The following CCSER1 variants were observed in gnomAD, a reference collection of about 807,000 sequenced individuals.
CCSER1 encodes the protein serine-rich coiled-coil domain-containing protein 1.
A neutral mutation model predicts 82.0 loss-of-function variants in CCSER1; 41 were observed. The ratio of observed to expected loss-of-function variants is 0.50; its 90% confidence interval spans 0.39 to 0.65. CCSER1 has a LOEUF of 0.65. Among genes scored for constraint, CCSER1 ranks in the 30% least tolerant of loss-of-function variants. The pLI is 0.00. For synonymous variants in CCSER1, 414 were observed against 383.9 expected, an observed-to-expected ratio of 1.08 and a Z score of -0.92; for missense variants, 1,119 against 1,064.2, an observed-to-expected ratio of 1.05 and a Z score of -0.72.
At chr4:91,158,875 A>G (rs930785967) in intron 10 of CCSER1, among the ~76,000 whole-genome samples, 2 of 152,000 alleles carry the variant, frequency 1.3e-5, no homozygotes, top group Non-Finnish European at 1.5e-5. Flanking sequence ...GGACATAGGC[A>G]TTACCAGAAG....
chr4:90,858,388 C>A (rs1402013604), intron 8 of CCSER1, among the ~76,000 whole-genome samples: 1 of 151,976 alleles, frequency 6.6e-6, no homozygotes, highest in Non-Finnish European at 1.5e-5. Flanking sequence ...CCCAAACATA[C>A]AGACTCTAAT....
intron 7 of CCSER1, among the ~76,000 whole-genome samples, chr4:90,797,800 G>A (rs961135180): frequency 2.6e-5 from 4 of 152,116 alleles, no homozygotes; most frequent in African/African-American, 4.8e-5. Flanking sequence ...AATATAGGCC[G>A]CCAATGTCTT....
intron 9 of CCSER1, among the ~76,000 whole-genome samples, chr4:91,078,162 C>T (rs1343131000): frequency 4.6e-5 from 7 of 152,186 alleles, no homozygotes; most frequent in Non-Finnish European, 1.0e-4. Flanking sequence ...GTTCCTGACC[C>T]CTGAGTAGCC....
At chr4:90,913,064 G>A (rs555444020) in intron 8 of CCSER1, among the ~76,000 whole-genome samples, 5 of 152,214 alleles carry the variant, frequency 3.3e-5, no homozygotes, top group African/African-American at 1.2e-4. Flanking sequence ...AAAACACTCT[G>A]CAGGATATTA....
Position 90,907,545 on chromosome 4 carries a change from T to C in CCSER1, c.2095-15825T>C, listed in dbSNP as rs532909084. Among the ~76,000 whole-genome samples the C allele has an allele frequency of 8.8e-4, 134 of 152,258 alleles. 4 individuals are homozygous for C. The South Asian group carries it at 0.027, about 30-fold the overall frequency. On this transcript the variant is annotated intron_variant, in intron 8 of 10. Coordinates refer to ENST00000509176, the MANE Select transcript of CCSER1 (RefSeq NM_001145065.2). ...TTAATTGGATGAATCACCTCATTAA[T>C]CTTTCACTCACAATGTAAAATTCAG...
intron 9 of CCSER1, among the ~76,000 whole-genome samples, chr4:91,007,955 CT>C (rs1437575637): frequency 1.3e-5 from 2 of 151,922 alleles, no homozygotes; most frequent in Non-Finnish European, 2.9e-5. Context: ...TTTAATTTGT[CT>C]CTAAAATTTT....
chr4:90,903,836 C>A (rs868188504), intron 8 of CCSER1, among the ~76,000 whole-genome samples: 721 of 120,908 alleles, frequency 6.0e-3, no homozygotes, highest in African/African-American at 5.6e-3. Flanking sequence ...TACTCTGTCT[C>A]AAAAAAAAAA....
chr4:91,166,485 T>G (rs1732089284), intron 10 of CCSER1, among the ~76,000 whole-genome samples: 1 of 152,308 alleles, frequency 6.6e-6, no homozygotes, highest in African/African-American at 2.4e-5. Context: ...CAATGGGCCA[T>G]GAGTAAATAA....
chr4:91,247,873 A>G (rs1450537141), intron 10 of CCSER1, among the ~76,000 whole-genome samples: 1 of 152,162 alleles, frequency 6.6e-6, no homozygotes, highest in Non-Finnish European at 1.5e-5. Context: ...GTCTCAAAAA[A>G]AACAACAACA....
intron 10 of CCSER1, among the ~76,000 whole-genome samples, chr4:91,364,819 C>T (rs556816823): frequency 6.6e-6 from 1 of 152,010 alleles, no homozygotes; most frequent in Non-Finnish European, 1.5e-5. Flanking sequence ...AGTTTAAAGA[C>T]ATCAAATAGT....
intron 8 of CCSER1, chr4:90,838,999 G>T: frequency 6.2e-7 from 1 of 1,612,684 alleles, no homozygotes; most frequent in Non-Finnish European, 8.5e-7. Context: ...TCGGCTTATC[G>T]AATTTCTCGA....
intron 10 of CCSER1, among the ~76,000 whole-genome samples, chr4:91,390,165 T>C (rs952773442): frequency 6.6e-6 from 1 of 152,040 alleles, no homozygotes; most frequent in African/African-American, 2.4e-5. Flanking sequence ...TGTAGGTTTT[T>C]TGTAGATTTT....
chr4:91,538,558 G>A (rs1761414839), intron 10 of CCSER1, among the ~76,000 whole-genome samples: 1 of 151,406 alleles, frequency 6.6e-6, no homozygotes, highest in South Asian at 2.1e-4. Context: ...CACAGACATA[G>A]AGAGGTACAC....
At chr4:90,451,089 T>C (rs1761390006) in intron 4 of CCSER1, among the ~76,000 whole-genome samples, 1 of 152,176 alleles carries the variant, frequency 6.6e-6, no homozygotes, top group Non-Finnish European at 1.5e-5. Context: ...TTCCTGAGGA[T>C]TGTGGTCTCC....
At chr4:90,915,617 C>T (rs924636976) in intron 8 of CCSER1, among the ~76,000 whole-genome samples, 4 of 152,076 alleles carry the variant, frequency 2.6e-5, no homozygotes, top group African/African-American at 9.7e-5. Context: ...GACAGGGATG[C>T]CCTCTCTCAC....
chr4:91,086,007 AAAG>A lies in CCSER1; in HGVS notation c.2217+18_2217+20del. ...AGGAGGGAGAGAGGTAAGAATGTTT[AAAG>A]AAGAGGGGTGGGAAAAAGAGGAAAC... On this transcript the variant is annotated intron_variant, in intron 10 of 10. Coordinates refer to ENST00000509176, the MANE Select transcript of CCSER1 (RefSeq NM_001145065.2). 2.0e-6 allele frequency: 3 copies of A among 1,487,646 alleles called. No individual in the cohort carries two copies. The highest frequency in any genetic ancestry group is 2.8e-6 in the Non-Finnish European group (3 of 1,089,312). The allele number at this position is 1,487,646 out of a possible 1,614,324, so 92.2% of individuals were successfully genotyped here. A position where few individuals can be genotyped will look rare whatever the true frequency, so the allele number is the denominator to read the frequency against.
At chr4:91,584,187 C>T (rs1247458302) in intron 10 of CCSER1, among the ~76,000 whole-genome samples, 2 of 151,436 alleles carry the variant, frequency 1.3e-5, no homozygotes, top group Admixed American at 6.6e-5. Context: ...CTTTCACCTA[C>T]GTAGTTGCAT....
rs1450026288 is a variant in CCSER1 at position 91,602,308 on chromosome 4, ATTTTG to A, written c.*3261_*3265del. Among the ~76,000 whole-genome samples, 2 of 151,950 alleles carry A rather than the reference ATTTTG, an allele frequency of 1.3e-5. No homozygotes were observed. Among genetic ancestry groups the A allele is most frequent in the African/African-American group, 4.8e-5 (2 of 41,394 alleles). ...GAACTCCCATTATAGGAAATTCCAC[ATTTTG>A]TTTTGTTTTCTTTGTCTTGTTTAAT... On this transcript the variant is annotated 3_prime_UTR_variant, in exon 11 of 11. Coordinates refer to ENST00000509176, the MANE Select transcript of CCSER1 (RefSeq NM_001145065.2).
intron 5 of CCSER1, among the ~76,000 whole-genome samples, chr4:90,591,040 A>T (rs974439315): frequency 6.6e-6 from 1 of 151,912 alleles, no homozygotes; most frequent in Non-Finnish European, 1.5e-5. Flanking sequence ...ATTCCTAGGT[A>T]TTTTATTCTC....
Sources: allele counts gnomAD v4.1 joint callset (sites outside exome capture counted in the v4.1 genomes callset), GRCh38; gene constraint gnomAD v4.1.1; transcripts MANE v1.5; gene names NCBI Gene and HGNC (gene_info 2026-07-23, HGNC 2026-07-21).